Variants in GPHN observed in about 807,000 individuals in gnomAD.
The protein encoded by GPHN is gephyrin.
GPHN carries 17 observed loss-of-function variants against 95.5 expected under a neutral mutation model. The observed-to-expected ratio is 0.18, with a 90% confidence interval of 0.12 to 0.27. The LOEUF (loss-of-function observed/expected upper bound fraction) is 0.27, where lower values mean the gene tolerates loss of function less well. Among genes scored for constraint, GPHN ranks in the 10% least tolerant of loss-of-function variants. The pLI, the probability that GPHN is intolerant of heterozygous loss-of-function variation, is 1.00. For missense variants in GPHN, 660 were observed against 978.1 expected (o/e 0.67, Z 4.34); for synonymous variants, 320 against 322.5 (o/e 0.99, Z 0.08).
chr14:66,989,077 T>G (rs957918346), intron 9 of GPHN, among the ~76,000 whole-genome samples: 6 of 152,060 alleles, frequency 3.9e-5, no homozygotes, highest in African/African-American at 9.7e-5. Flanking sequence ...ACAAAGTGAT[T>G]TTTATTAATA....
chr14:67,675,693 G>C, the GPHN span, among the ~76,000 whole-genome samples: 1 of 152,146 alleles, frequency 6.6e-6, no homozygotes, highest in Admixed American at 6.5e-5. Flanking sequence ...TGCTCCAGGG[G>C]AATTTATAAT....
the GPHN span, among the ~76,000 whole-genome samples, chr14:67,359,366 G>T: frequency 6.6e-6 from 1 of 152,172 alleles, no homozygotes. Flanking sequence ...CTCAATAAGG[G>T]TATGTGGAAT....
the GPHN span, chr14:67,656,474 G>A: frequency 1.1e-5 from 17 of 1,613,436 alleles, no homozygotes; most frequent in Non-Finnish European, 1.4e-5. Flanking sequence ...TATGATTTCT[G>A]AGCCAATCTG....
intron 5 of GPHN, among the ~76,000 whole-genome samples, chr14:66,902,648 T>C (rs1436223824): frequency 6.6e-6 from 1 of 152,156 alleles, no homozygotes; most frequent in African/African-American, 2.4e-5. Flanking sequence ...TTCTTGGTTC[T>C]ATTAATGTAG....
chr14:67,644,142 T>C, the GPHN span, among the ~76,000 whole-genome samples: 1 of 152,224 alleles, frequency 6.6e-6, no homozygotes, highest in African/African-American at 2.4e-5. Flanking sequence ...CAGCTCAATG[T>C]TAAAGCTTAG....
At chr14:66,931,158 G>A (rs1290357591) in intron 8 of GPHN, among the ~76,000 whole-genome samples, 1 of 152,074 alleles carries the variant, frequency 6.6e-6, no homozygotes, top group African/African-American at 2.4e-5. Context: ...TCCTTCAGCA[G>A]TTTAAAATTT....
chr14:67,473,364 G>A, the GPHN span: 1 of 1,583,884 alleles, frequency 6.3e-7, no homozygotes, highest in African/African-American at 1.3e-5. This position sits in a 1 kb window ranked among gnomAD's most constrained non-coding sequence, Gnocchi z 6.5. Context: ...CACCAGCTTG[G>A]TCTCTTTGTC....
intron 2 of GPHN, among the ~76,000 whole-genome samples, chr14:66,697,251 T>C (rs1018218921): frequency 6.6e-6 from 1 of 152,214 alleles, no homozygotes; most frequent in African/African-American, 2.4e-5. Context: ...TTGTCAATGA[T>C]GAATTGTATT....
the GPHN span, chr14:67,302,041 G>A: frequency 1.2e-6 from 2 of 1,610,464 alleles, no homozygotes; most frequent in African/African-American, 2.7e-5. Context: ...AGATGAGAGA[G>A]TTTATGAAAG....
chr14:67,662,675 G>C, the GPHN span: 24 of 769,342 alleles, frequency 3.1e-5, no homozygotes, highest in Middle Eastern at 1.2e-3. Context: ...GGAGGCCAAG[G>C]CAGGTGGATC....
chr14:67,695,899 A>G, the GPHN span: 1 of 593,064 alleles, frequency 1.7e-6, no homozygotes, highest in Non-Finnish European at 3.0e-6. Flanking sequence ...AAGTTGAATT[A>G]TACATCGCTA....
intron 18 of GPHN, among the ~76,000 whole-genome samples, chr14:67,153,362 G>T (rs766551539): frequency 4.6e-5 from 7 of 152,172 alleles, no homozygotes; most frequent in Non-Finnish European, 7.4e-5. Flanking sequence ...CAAGATCCAG[G>T]TGACAGCATG....
At chr14:67,234,634 C>T in the GPHN span, among the ~76,000 whole-genome samples, 1 of 152,106 alleles carries the variant, frequency 6.6e-6, no homozygotes, top group African/African-American at 2.4e-5. Flanking sequence ...ACTGCAACTT[C>T]CTCCCACTGG....
At chr14:67,190,687 G>A in the GPHN span, among the ~76,000 whole-genome samples, 1 of 152,174 alleles carries the variant, frequency 6.6e-6, no homozygotes, top group Non-Finnish European at 1.5e-5. Flanking sequence ...AAAGCTGAAA[G>A]GTTGGGCATG....
At chr14:67,582,316 G>T in the GPHN span, 3 of 1,571,690 alleles carry the variant, frequency 1.9e-6, no homozygotes, top group Non-Finnish European at 2.6e-6. The surrounding 1 kb of genome is among the most constrained non-coding windows in gnomAD (Gnocchi z 5.0). Flanking sequence ...TGGTGCTCAG[G>T]AGAGGGCAGC....
chr14:66,534,857 A>T (rs1485119503), intron 1 of GPHN, among the ~76,000 whole-genome samples: 1 of 152,098 alleles, frequency 6.6e-6, no homozygotes, highest in Non-Finnish European at 1.5e-5. Context: ...TTATGGATTT[A>T]TAGGAATTCC....
intron 10 of GPHN, among the ~76,000 whole-genome samples, chr14:67,032,885 G>A (rs1342358298): frequency 6.6e-6 from 1 of 152,034 alleles, no homozygotes; most frequent in Non-Finnish European, 1.5e-5. Context: ...CAGGATACAT[G>A]CCCAATCAAA....
At chr14:67,275,140 A>C in the GPHN span, among the ~76,000 whole-genome samples, 2 of 152,266 alleles carry the variant, frequency 1.3e-5, no homozygotes, top group African/African-American at 4.8e-5. Flanking sequence ...GCCTTGGCCA[A>C]AACTTCCAAC....
chr14:67,268,238 A>G, the GPHN span, among the ~76,000 whole-genome samples: 1 of 152,132 alleles, frequency 6.6e-6, no homozygotes. Context: ...GTCACTTTTT[A>G]ATTTTAGCCA....
Sources: allele counts gnomAD v4.1 joint callset (sites outside exome capture counted in the v4.1 genomes callset), GRCh38; gene constraint gnomAD v4.1.1; non-coding constraint Gnocchi (gnomAD v3.1); transcripts MANE v1.5; gene names NCBI Gene and HGNC (gene_info 2026-07-23, HGNC 2026-07-21).